The following FMO4 variants were observed in gnomAD, a reference collection of about 807,000 sequenced individuals.
The protein encoded by FMO4 is dimethylaniline monooxygenase [N-oxide-forming] 4.
FMO4 carries 38 observed loss-of-function variants against 43.3 expected under a neutral mutation model. The ratio of observed to expected loss-of-function variants is 0.88; its 90% CI spans 0.68 to 1.15. The LOEUF (loss-of-function observed/expected upper bound fraction) is 1.15, where lower values mean the gene tolerates loss of function less well. Ranked by LOEUF, FMO4 falls within the 50% of genes most tolerant of loss-of-function variation. The probability of loss-of-function intolerance (pLI) is 0.00; values close to 1 mark genes in which losing one functional copy is unlikely to be tolerated. For synonymous variants in FMO4, 224 were observed against 232.2 expected (o/e 0.96, Z 0.32); for missense variants, 631 against 663.3 (o/e 0.95, Z 0.54).
rs559561190 is a variant in FMO4 at position 171,332,882 on chromosome 1, G to C, written c.801G>C (p.Glu267Asp). ...AGTTGAATAAGAGATTTAATCATGA[G>C]GATTATGGATTAAGTATTACCAAAG... ...ERKLNKRFNH[E>D]DYGLSITKGK... The change falls in exon 7 of 10, where the codon GAG (glutamate) becomes GAC (aspartate). Residue 267 changes from glutamate to aspartate, a missense_variant. Coordinates refer to ENST00000367749, the MANE Select transcript of FMO4 (RefSeq NM_002022.3). 2 of 1,477,138 alleles carry C rather than the reference G, an allele frequency of 1.4e-6. No homozygotes were observed. Among genetic ancestry groups the C allele is most frequent in the East Asian group, 4.5e-5 (2 of 44,128 alleles). The allele number at this position is 1,477,138 out of a possible 1,614,324, so 91.5% of individuals were successfully genotyped here.
At position 171,317,719 on chromosome 1, in the gene FMO4, G is replaced by A. The variant is rs79315706; in HGVS notation, c.-9+1392G>A. ...TGGGCTCTAGAATATCCCTTATGAC[G>A]TTCCTTGGGGACTTTATTTTCTATT... On this transcript the variant is annotated intron_variant, in intron 2 of 9. Transcript: ENST00000367749. 3.5e-3 allele frequency among the ~76,000 whole-genome samples: 539 copies of A among 152,180 alleles called. 2 individuals carry two copies. Among genetic ancestry groups the A allele is most frequent in the African/African-American group, 0.012 (505 of 41,522 alleles).
chr1:171,324,276 C>G lies in FMO4; in HGVS notation c.460C>G (p.His154Asp). The change falls in exon 5 of 10, where the codon CAT (histidine) becomes GAT (aspartate). Residue 154 changes from histidine to aspartate, a missense_variant. Coordinates refer to ENST00000367749, the MANE Select transcript of FMO4 (RefSeq NM_002022.3). The stretch of plus-strand genomic sequence containing the variant: ...TTGCACTGGACATTTCCTGAATCCC[C>G]ATTTACCTTTGGAAGCCTTTCCTGG... ...MVCTGHFLNP[H>D]LPLEAFPGIH... 1.2e-6 allele frequency: 2 copies of G among 1,610,418 alleles called. No individual in the cohort carries two copies. The highest frequency in any genetic ancestry group is 8.5e-7 in the Non-Finnish European group (1 of 1,178,336).
intron 8 of FMO4, among the ~76,000 whole-genome samples, chr1:171,336,131 T>A (rs1434338154): frequency 6.6e-6 from 1 of 151,920 alleles, no homozygotes; most frequent in African/African-American, 2.4e-5. Flanking sequence ...GTTGGACCTA[T>A]CTCGTGTGGA....
At chr1:171,322,976 C>G in intron 3 of FMO4, 28 bp from the exon 4 acceptor site, 1 of 1,582,606 alleles carries the variant, frequency 6.3e-7, no homozygotes, top group Non-Finnish European at 8.7e-7. Flanking sequence ...TCCATTATCC[C>G]AACAAGCTAA....
At chr1:171,319,163 A>T (rs1322800895) in intron 2 of FMO4, among the ~76,000 whole-genome samples, 1 of 152,088 alleles carries the variant, frequency 6.6e-6, no homozygotes, top group Non-Finnish European at 1.5e-5. Flanking sequence ...CGGGTATTTT[A>T]TTGAGTGGTG....
chr1:171,328,401 A>T (rs770950336), intron 5 of FMO4, among the ~76,000 whole-genome samples: 54 of 152,048 alleles, frequency 3.6e-4, no homozygotes, highest in Admixed American at 5.9e-4. Flanking sequence ...CTATAATCCC[A>T]GCACTTTGGG....
At chr1:171,329,568 G>A (rs916550386) in intron 5 of FMO4, among the ~76,000 whole-genome samples, 5 of 152,142 alleles carry the variant, frequency 3.3e-5, no homozygotes, top group African/African-American at 4.8e-5. Flanking sequence ...ACCATCCCTC[G>A]AAGGCAGTCC....
chr1:171,320,728 C>A (rs765730828), intron 3 of FMO4, among the ~76,000 whole-genome samples: 4 of 152,050 alleles, frequency 2.6e-5, no homozygotes, highest in Non-Finnish European at 4.4e-5. Flanking sequence ...GTAATCCCAG[C>A]ACTTTGGGAG....
At chr1:171,332,024 G>C (rs1028280054) in intron 6 of FMO4, among the ~76,000 whole-genome samples, 1 of 152,150 alleles carries the variant, frequency 6.6e-6, no homozygotes, top group African/African-American at 2.4e-5. Flanking sequence ...TTGTGTGGAT[G>C]CCAGACCTCT....
Position 171,341,805 on chromosome 1 carries a change from T to C in FMO4, c.1643T>C (p.Met548Thr). ...GTGAGAGATAAACTACAGGACAGAA[T>C]GTCCCCTTACCTAGTAAGTCTTTGG... ...KLVRDKLQDR[M>T]SPYLVSLWRG Residue 548 changes from methionine to threonine, a missense_variant, in exon 10 of 10, where the codon ATG (methionine) becomes ACG (threonine). Physicochemically the swap from Met to Thr is moderately conservative, Grantham distance 81 (BLOSUM62 -1). Transcript: ENST00000367749. 1.2e-6 allele frequency: 2 copies of C among 1,613,692 alleles called. No homozygotes were observed. Among genetic ancestry groups the C allele is most frequent in the Non-Finnish European group, 1.7e-6 (2 of 1,179,806 alleles).
chr1:171,324,174 T>A lies in FMO4; in HGVS notation c.358T>A (p.Ser120Thr). The change falls in exon 5 of 10, where the codon TCC (serine) becomes ACC (threonine). Residue 120 changes from serine to threonine, a missense_variant. Transcript: ENST00000367749. ...VCSITKRPDF[S>T]ETGQWDVVTE... ...CAGCATAACGAAGCGTCCAGACTTC[T>A]CCGAAACTGGTCAGTGGGATGTTGT... The A allele has an allele frequency of 6.2e-7, 1 of 1,613,564 alleles. No homozygotes were observed. Among genetic ancestry groups the A allele is most frequent in the Non-Finnish European group, 8.5e-7 (1 of 1,179,734 alleles).
At chr1:171,334,878 AC>A in intron 8 of FMO4, 115 bp downstream of exon 8, 2 of 598,612 alleles carry the variant, frequency 3.3e-6, no homozygotes, top group South Asian at 5.1e-5. Flanking sequence ...ACATTAGTGT[AC>A]AATTAATTGT....
In FMO4 at chr1:171,341,455, T is replaced by C. The variant is rs199846118; in HGVS notation, c.1293T>C (p.Ile431=). The change falls in exon 10 of 10, where the codon ATT becomes ATC. Residue 431 remains isoleucine, a synonymous_variant. Coordinates refer to ENST00000367749, the MANE Select transcript of FMO4 (RefSeq NM_002022.3). ...CCAGCAAAGACAAATTTGACTACAT[T>C]GCCTACATGGATGATATCGCTGCCT... ...KDTSKDKFDY[I]AYMDDIAACI... 3.5e-5 allele frequency: 57 copies of C among 1,613,842 alleles called. 1 individual carries two copies. The Middle Eastern group carries it at 6.6e-4, about 19-fold the overall frequency.
intron 5 of FMO4, among the ~76,000 whole-genome samples, chr1:171,326,215 G>A (rs1662661660): frequency 6.6e-6 from 1 of 151,990 alleles, no homozygotes; most frequent in Non-Finnish European, 1.5e-5. Flanking sequence ...TGAAATGAAT[G>A]TTTTACTTGG....
intron 6 of FMO4, among the ~76,000 whole-genome samples, chr1:171,332,106 C>G (rs1438740428): frequency 6.6e-6 from 1 of 151,956 alleles, no homozygotes; most frequent in Non-Finnish European, 1.5e-5. Context: ...GTTCAATTAT[C>G]TTTTTTTTAC....
chr1:171,319,589 C>G (rs1271770230), intron 2 of FMO4, among the ~76,000 whole-genome samples: 1 of 152,074 alleles, frequency 6.6e-6, no homozygotes, highest in Non-Finnish European at 1.5e-5. Flanking sequence ...AAAACTGAGT[C>G]CTAGACAGGA....
intron 8 of FMO4, among the ~76,000 whole-genome samples, chr1:171,336,067 G>A (rs1033517657): frequency 2.9e-4 from 44 of 152,188 alleles, no homozygotes; most frequent in African/African-American, 9.9e-4. Context: ...ATTAAATCTT[G>A]CTAGTTTTTT....
intron 3 of FMO4, 113 bp downstream of exon 3, chr1:171,320,070 G>A: frequency 5.4e-6 from 6 of 1,109,956 alleles, no homozygotes; most frequent in Non-Finnish European, 8.0e-6. Context: ...TACTGCAACG[G>A]CACAAACAAG....
At chr1:171,323,826 A>C (rs1032113924) in intron 4 of FMO4, among the ~76,000 whole-genome samples, 12 of 152,232 alleles carry the variant, frequency 7.9e-5, no homozygotes, top group African/African-American at 2.9e-4. Context: ...AATTACAATA[A>C]GGCAAAACTA....
Sources: allele counts gnomAD v4.1 joint callset (sites outside exome capture counted in the v4.1 genomes callset), GRCh38; gene constraint gnomAD v4.1.1; transcripts MANE v1.5; gene names NCBI Gene and HGNC (gene_info 2026-07-23, HGNC 2026-07-21).